Variants in ERICH1 observed in about 807,000 individuals in gnomAD.
ERICH1 encodes glutamate-rich protein 1.
A neutral mutation model predicts 39.6 loss-of-function variants in ERICH1; 56 were observed. The ratio of observed to expected loss-of-function variants is 1.41; its 90% confidence interval spans 1.14 to 1.77. The LOEUF is 1.77. Ranked by LOEUF, ERICH1 falls within the 40% of genes most tolerant of loss-of-function variation. ERICH1 has a pLI of 0.00. For missense variants in ERICH1, 826 were observed against 575.4 expected, an observed-to-expected ratio of 1.44 and a Z score of -4.45; for synonymous variants, 313 against 223.6, an observed-to-expected ratio of 1.40 and a Z score of -3.57.
chr8:663,823 G>A (rs1193940058), downstream of ERICH1, among the ~76,000 whole-genome samples: 2 of 151,666 alleles, frequency 1.3e-5, no homozygotes, highest in African/African-American at 4.9e-5. Flanking sequence ...GCAGTGGTGC[G>A]ATCTCAGCTC....
At chr8:692,212 C>T (rs1364062946) in intron 3 of ERICH1, among the ~76,000 whole-genome samples, 1 of 152,140 alleles carries the variant, frequency 6.6e-6, no homozygotes, top group African/African-American at 2.4e-5. Context: ...ACTCCTAAAG[C>T]ATTAACAAAC....
chr8:686,203 C>T (rs559701737), intron 3 of ERICH1, among the ~76,000 whole-genome samples: 13 of 152,178 alleles, frequency 8.5e-5, no homozygotes, highest in Non-Finnish European at 1.5e-5. Context: ...CTCAGATACT[C>T]TTTAACTTCA....
intron 1 of ERICH1, among the ~76,000 whole-genome samples, chr8:724,151 C>T (rs1412896985): frequency 6.6e-6 from 1 of 152,154 alleles, no homozygotes; most frequent in East Asian, 1.9e-4. Context: ...ATGGGATCCT[C>T]ACGTAGGAGG....
At position 708,681 on chromosome 8, in the gene ERICH1, G is replaced by GTTTTTTTTTTTTTTTT. The variant is rs139731216; in HGVS notation, c.169+7164_169+7179dup. On this transcript the variant is annotated intron_variant, in intron 2 of 5. Coordinates refer to ENST00000262109, the MANE Select transcript of ERICH1 (RefSeq NM_207332.3). ...GGGCTGAGTGGTTACGGGATAATGA[G>GTTTTTTTTTTTTTTTT]TTTTTTTTTTTTTTTTTTTTTTTTT... Among the ~76,000 whole-genome samples, 32 of 65,768 alleles carry GTTTTTTTTTTTTTTTT rather than the reference G, an allele frequency of 4.9e-4. 1 individual carries two copies. Among genetic ancestry groups the GTTTTTTTTTTTTTTTT allele is most frequent in the African/African-American group, 7.4e-4 (13 of 17,542 alleles). The allele number at this position is 65,768 out of a possible 152,430, so 43.1% of individuals were successfully genotyped here.
chr8:692,598 T>C lies in ERICH1; in HGVS notation c.184A>G (p.Thr62Ala), dbSNP rs759917800. 3 of 1,598,862 alleles carry C rather than the reference T, an allele frequency of 1.9e-6. No individual in the cohort carries two copies. In the Admixed American group the frequency reaches 5.2e-5, roughly 28 times the overall value. ...GTGTAGAGCCGTCGGGCAGTCGGGG[T>C]CTCAGAGCCAGTGTCTGCAACACAG... ...AEPLTDTGSE[T>A]PTARRLYTAS... Residue 62 changes from threonine to alanine, a missense_variant, in exon 3 of 6, where the codon ACC (threonine) becomes GCC (alanine). Transcript: ENST00000262109.
chr8:662,597 G>A (rs1353476396), downstream of ERICH1, among the ~76,000 whole-genome samples: 3 of 151,422 alleles, frequency 2.0e-5, no homozygotes, highest in Non-Finnish European at 2.9e-5. Flanking sequence ...GAGGTGAGCC[G>A]AGATCACACT....
At chr8:651,771 A>G (rs1184862901) in intron 3 of ERICH1, among the ~76,000 whole-genome samples, 1 of 151,114 alleles carries the variant, frequency 6.6e-6, no homozygotes, top group Admixed American at 6.6e-5. Context: ...GCGGGAGGGG[A>G]GGGCATCTGG....
chr8:621,623 T>C (rs893064944), intron 3 of ERICH1, among the ~76,000 whole-genome samples: 2 of 151,490 alleles, frequency 1.3e-5, no homozygotes, highest in Admixed American at 1.3e-4. Flanking sequence ...ACACAGAGAA[T>C]AGAAAAACAA....
chr8:623,472 T>G lies in ERICH1; in HGVS notation c.977-8188A>C, dbSNP rs922564806. ...TCAAAAGGGAAAGAATAGTCTTCTA[T>G]TTTTTAATTTAAAAATTTTTGTTTT... On this transcript the variant is annotated intron_variant, in intron 3 of 3. Transcript: ENST00000522706. Among the ~76,000 whole-genome samples the G allele has an allele frequency of 2.0e-5, 3 of 152,238 alleles. No individual in the cohort carries two copies. The East Asian group carries it at 5.8e-4, about 29-fold the overall frequency.
intron 4 of ERICH1, 47 bp downstream of exon 4, chr8:673,241 CT>C (rs770275617): frequency 1.3e-6 from 2 of 1,528,068 alleles, no homozygotes; most frequent in East Asian, 4.5e-5. Context: ...TTTTAATAAA[CT>C]TTTAAGTGGA....
intron 2 of ERICH1, among the ~76,000 whole-genome samples, chr8:703,053 C>G (rs1175753200): frequency 1.3e-5 from 2 of 152,234 alleles, no homozygotes; most frequent in Non-Finnish European, 2.9e-5. Context: ...GCTTTCACCT[C>G]CAGGAGCTGG....
At chr8:723,655 C>CT (rs1459043768) in intron 1 of ERICH1, among the ~76,000 whole-genome samples, 1 of 152,214 alleles carries the variant, frequency 6.6e-6, no homozygotes, top group Non-Finnish European at 1.5e-5. Flanking sequence ...ATCTGCCTGT[C>CT]TCATTGTAAT....
At chr8:625,808 GTA>G (rs1163785042) in intron 3 of ERICH1, 4 of 152,166 alleles carry the variant, frequency 2.6e-5, no homozygotes, top group Non-Finnish European at 5.9e-5. Flanking sequence ...GGGCAATGAT[GTA>G]TGTGTGGAGC....
intron 2 of ERICH1, among the ~76,000 whole-genome samples, chr8:710,807 C>T (rs1001962357): frequency 2.6e-5 from 4 of 152,214 alleles, no homozygotes; most frequent in South Asian, 2.1e-4. Flanking sequence ...TTCCAAGTTT[C>T]GGCAGTTATG....
At chr8:708,893 C>A (rs1814070718) in intron 2 of ERICH1, among the ~76,000 whole-genome samples, 1 of 151,444 alleles carries the variant, frequency 6.6e-6, no homozygotes, top group Non-Finnish European at 1.5e-5. Context: ...GGGTGACTCG[C>A]CATGTTGCCC....
At chr8:690,580 G>A (rs1808678369) in intron 3 of ERICH1, among the ~76,000 whole-genome samples, 1 of 152,254 alleles carries the variant, frequency 6.6e-6, no homozygotes, top group Admixed American at 6.5e-5. Context: ...AGGCCGGGCA[G>A]CCAGGAGGGG....
chr8:706,219 TG>T (rs1286406128), intron 2 of ERICH1, among the ~76,000 whole-genome samples: 1 of 152,206 alleles, frequency 6.6e-6, no homozygotes, highest in Non-Finnish European at 1.5e-5. Context: ...GATGTGTGAC[TG>T]TACATAGAAA....
intron 3 of ERICH1, among the ~76,000 whole-genome samples, chr8:622,063 G>GA (rs1330844540): frequency 6.6e-6 from 1 of 151,840 alleles, no homozygotes; most frequent in Non-Finnish European, 1.5e-5. Context: ...AAATAAAAAT[G>GA]AAAAAAATTA....
rs760865498 is a variant in ERICH1, at chr8:673,797, A to G, written c.555T>C (p.Gly185=). 35 of 1,614,030 alleles carry G rather than the reference A, an allele frequency of 2.2e-5. No individual in the cohort carries two copies. Among genetic ancestry groups the G allele is most frequent in the Non-Finnish European group, 2.7e-5 (32 of 1,180,050 alleles). Residue 185 remains glycine (G), a synonymous_variant, in exon 4 of 6, where the codon GGT becomes GGC. Transcript: ENST00000262109. ...KAAGLAAKAA[G]VSFMYQPEDS... ...CCTCGGGCTGGTACATGAAACTGAC[A>G]CCAGCAGCCTTTGCTGCCAAGCCGG...
Sources: gnomAD v4.1 joint callset for allele counts (sites outside exome capture counted in the v4.1 genomes callset) on GRCh38, gnomAD v4.1.1 for gene constraint, MANE v1.5 for transcripts, NCBI Gene and HGNC (gene_info 2026-07-23, HGNC 2026-07-21) for gene names.